The following EPS15L1 variants were observed in gnomAD, a reference collection of about 807,000 sequenced individuals.
EPS15L1 encodes the protein epidermal growth factor receptor substrate 15-like 1.
EPS15L1 carries 43 observed loss-of-function variants against 117.1 expected under a neutral mutation model. The ratio of observed to expected loss-of-function variants is 0.37; its 90% CI spans 0.29 to 0.47. The LOEUF (loss-of-function observed/expected upper bound fraction) is 0.47. Among genes scored for constraint, EPS15L1 ranks in the 20% least tolerant of loss-of-function variants. EPS15L1 has a pLI of 0.99. For missense variants in EPS15L1, 981 were observed against 1,164.0 expected (o/e 0.84, Z 2.29); for synonymous variants, 459 against 470.5 (o/e 0.98, Z 0.32).
At chr19:16,395,250 T>C in intron 17 of EPS15L1, 94 bp downstream of exon 17, 6 of 1,188,392 alleles carry the variant, frequency 5.0e-6, no homozygotes, top group Non-Finnish European at 7.0e-6. Context: ...TTTCAGATTG[T>C]GGCATGTCCT....
intron 21 of EPS15L1, among the ~76,000 whole-genome samples, chr19:16,378,864 T>C (rs1163974742): frequency 6.6e-6 from 1 of 152,170 alleles, no homozygotes; most frequent in Non-Finnish European, 1.5e-5. Context: ...TAATTAAGTC[T>C]GTAATAAAAT....
At chr19:16,465,028 G>A (rs983577094) in intron 1 of EPS15L1, among the ~76,000 whole-genome samples, 3 of 149,832 alleles carry the variant, frequency 2.0e-5, no homozygotes, top group South Asian at 2.1e-4. Context: ...GCAGTGAGCC[G>A]AAATTGCACC....
chr19:16,417,625 A>C lies in EPS15L1; in HGVS notation c.1120T>G (p.Ser374Ala), dbSNP rs147985943. 244 of 1,614,018 alleles carry C rather than the reference A, an allele frequency of 1.5e-4. No individual in the cohort carries two copies. Among genetic ancestry groups the C allele is most frequent in the Non-Finnish European group, 2.1e-4 (242 of 1,179,988 alleles). ...CCAGTAAACTCCCCGGAGCCGAGAG[A>C]GCCTGAACTGTCCTAGAATTGAATT... ...RGTPGPDSSG[S>A]LGSGEFTGVK... The change falls in exon 12 of 24, where the codon TCT becomes GCT. Residue 374 changes from serine (S) to alanine (A), a missense_variant. Ser to Ala is a moderately conservative substitution (Grantham distance 99). Coordinates refer to ENST00000455140, the MANE Select transcript of EPS15L1 (RefSeq NM_001258374.3).
chr19:16,431,446 T>C (rs1355882462), intron 7 of EPS15L1, among the ~76,000 whole-genome samples: 7 of 151,238 alleles, frequency 4.6e-5, no homozygotes, highest in African/African-American at 1.7e-4. Flanking sequence ...TGGGACTACA[T>C]GAGTGTGCCA....
chr19:16,363,997 G>T (rs1240036103), intron 22 of EPS15L1, among the ~76,000 whole-genome samples: 1 of 152,234 alleles, frequency 6.6e-6, no homozygotes, highest in Non-Finnish European at 1.5e-5. Context: ...TTCCACCGGG[G>T]TCGCCGTTGC....
intron 22 of EPS15L1, among the ~76,000 whole-genome samples, chr19:16,375,102 C>T (rs754170836): frequency 4.6e-5 from 7 of 152,124 alleles, no homozygotes; most frequent in African/African-American, 7.2e-5. Flanking sequence ...CATGTGTGTA[C>T]TGACAAGAGA....
chr19:16,395,235 C>T lies in EPS15L1; in HGVS notation c.1915+109G>A, dbSNP rs940856701. 6.3e-6 allele frequency: 7 copies of T among 1,117,954 alleles called. No individual in the cohort carries two copies. The Admixed American group carries it at 1.6e-4, about 26-fold the overall frequency. 69.3% of individuals were successfully genotyped at this position (1,117,954 alleles called of 1,614,324 possible). ...AAAAAAAAAAGGCATTCCTTTCCCC[C>T]TCCATTTCAGATTGTGGCATGTCCT... is the stretch of plus-strand genomic sequence containing the variant. On this transcript the variant is annotated intron_variant, in intron 17 of 23. Transcript: ENST00000455140.
intron 22 of EPS15L1, among the ~76,000 whole-genome samples, chr19:16,363,735 G>A (rs554566540): frequency 6.6e-6 from 1 of 152,326 alleles, no homozygotes; most frequent in East Asian, 1.9e-4. Flanking sequence ...GTCCTGCACC[G>A]CCGTGCCCAG....
chr19:16,444,785 G>A (rs2093067523), intron 1 of EPS15L1, among the ~76,000 whole-genome samples: 1 of 150,518 alleles, frequency 6.6e-6, no homozygotes, highest in Non-Finnish European at 1.5e-5. Flanking sequence ...GGAGAGCAGT[G>A]GCGCAATCTC....
intron 7 of EPS15L1, among the ~76,000 whole-genome samples, chr19:16,432,567 CAAATAAAT>C (rs569246288): frequency 2.0e-5 from 3 of 151,140 alleles, no homozygotes; most frequent in Admixed American, 1.3e-4. Context: ...GACTCTGTCT[CAAATAAAT>C]AAATAAATAA....
chr19:16,374,869 A>C (rs1253535221), intron 22 of EPS15L1, among the ~76,000 whole-genome samples: 1 of 152,210 alleles, frequency 6.6e-6, no homozygotes, highest in East Asian at 1.9e-4. Flanking sequence ...ACACGCACGC[A>C]TATGTGTGTG....
At chr19:16,468,999 GA>G (rs752916762) in intron 1 of EPS15L1, among the ~76,000 whole-genome samples, 1 of 152,156 alleles carries the variant, frequency 6.6e-6, no homozygotes, top group Non-Finnish European at 1.5e-5. Context: ...CAGCCTGGGG[GA>G]CAGAGCGAGA....
intron 21 of EPS15L1, among the ~76,000 whole-genome samples, chr19:16,382,791 C>A (rs181207863): frequency 6.6e-6 from 1 of 152,224 alleles, no homozygotes; most frequent in East Asian, 1.9e-4. Context: ...GGGGCCTCAA[C>A]TAAGAGTGCA....
chr19:16,385,022 C>G, intron 21 of EPS15L1, 107 bp downstream of exon 21: 2 of 865,824 alleles, frequency 2.3e-6, no homozygotes, highest in Non-Finnish European at 3.8e-6. Context: ...GGAAAGGTGC[C>G]GGGGAGATAC....
intron 1 of EPS15L1, among the ~76,000 whole-genome samples, chr19:16,448,513 G>A (rs999373488): frequency 2.8e-5 from 4 of 143,556 alleles, no homozygotes; most frequent in African/African-American, 7.9e-5. Flanking sequence ...ACTCCAGCCT[G>A]GGCAATAAGA....
chr19:16,454,129 G>T (rs1475294664), intron 1 of EPS15L1, among the ~76,000 whole-genome samples: 5 of 152,204 alleles, frequency 3.3e-5, no homozygotes, highest in Non-Finnish European at 7.3e-5. Flanking sequence ...AGGGTTCGCT[G>T]TTTTCCCCCC....
chr19:16,444,315 G>T lies in EPS15L1; in HGVS notation c.34-2096C>A, dbSNP rs185363566. 1.0e-3 allele frequency among the ~76,000 whole-genome samples: 155 copies of T among 152,252 alleles called. 2 individuals carry two copies. Among genetic ancestry groups the T allele is most frequent in the South Asian group, 7.0e-3 (34 of 4,824 alleles). Reference sequence around the variant, plus strand: ...AGACATCATGGAAAAGACATAGGAGGTAAGTGTGTATAGCAACAGCAGCCC... The same window carrying T: ...AGACATCATGGAAAAGACATAGGAGTTAAGTGTGTATAGCAACAGCAGCCC... On this transcript the variant is annotated intron_variant, in intron 1 of 23. Transcript: ENST00000455140.
At chr19:16,430,782 T>C (rs2092920229) in intron 7 of EPS15L1, among the ~76,000 whole-genome samples, 1 of 152,270 alleles carries the variant, frequency 6.6e-6, no homozygotes, top group Admixed American at 6.5e-5. Context: ...CACGGATGAA[T>C]GTATAAATAT....
intron 21 of EPS15L1, among the ~76,000 whole-genome samples, chr19:16,380,843 T>C (rs1384908102): frequency 6.6e-6 from 1 of 152,246 alleles, no homozygotes; most frequent in Non-Finnish European, 1.5e-5. Flanking sequence ...GATGCAGTCA[T>C]CTAGGCCTCT....
Sources: allele counts gnomAD v4.1 joint callset (sites outside exome capture counted in the v4.1 genomes callset), GRCh38; gene constraint gnomAD v4.1.1; transcripts MANE v1.5; gene names NCBI Gene and HGNC (gene_info 2026-07-23, HGNC 2026-07-21).